SYTL5: variants seen among roughly 807,000 people sequenced by gnomAD.
SYTL5 encodes the protein synaptotagmin-like protein 5.
A neutral mutation model predicts 55.9 loss-of-function variants in SYTL5; 34 were observed. That is an observed-to-expected ratio of 0.61 (90% CI 0.46 to 0.81). The LOEUF (loss-of-function observed/expected upper bound fraction) is 0.81. Ranked by LOEUF, SYTL5 falls within the 30% of genes least tolerant of loss-of-function variation. The probability of loss-of-function intolerance (pLI) is 0.00; values close to 1 mark genes in which losing one functional copy is unlikely to be tolerated. For missense variants in SYTL5, 637 were observed against 546.7 expected, an observed-to-expected ratio of 1.17 and a Z score of -1.65; for synonymous variants, 221 against 188.7, an observed-to-expected ratio of 1.17 and a Z score of -1.40.
intron 1 of SYTL5, among the ~76,000 whole-genome samples, chrX:38,030,612 G>A (rs1008544254): frequency 8.0e-5 from 9 of 112,119 alleles, no homozygotes; most frequent in Non-Finnish European, 1.3e-4. Flanking sequence ...AAGGGAAGCC[G>A]GAAGTTGTTC....
At chrX:38,055,010 C>G (rs1935741535) in intron 3 of SYTL5, among the ~76,000 whole-genome samples, 1 of 111,377 alleles carries the variant, frequency 9.0e-6, no homozygotes, top group Admixed American at 9.5e-5. Context: ...AGCCACTGCA[C>G]CCGGCCACTC....
rs574480794 is a variant in SYTL5, at chrX:38,063,846, C to G, written c.330-8201C>G. ...TTTATAATTTTACCAAAAAATGCTGCCATGACATTCTTATACATATGGCCT... is the reference window on the plus strand; with the variant it reads ...TTTATAATTTTACCAAAAAATGCTGGCATGACATTCTTATACATATGGCCT... On this transcript the variant is annotated intron_variant, in intron 3 of 16. Transcript: ENST00000297875. 1.6e-4 allele frequency among the ~76,000 whole-genome samples: 18 copies of G among 111,627 alleles called. No homozygotes were observed. The South Asian group carries it at 6.7e-3, about 42-fold the overall frequency.
chrX:38,056,126 C>A (rs754035450), intron 3 of SYTL5, among the ~76,000 whole-genome samples: 38 of 111,954 alleles, frequency 3.4e-4, no homozygotes, highest in African/African-American at 1.2e-3. Flanking sequence ...CTACCCTTCC[C>A]AGCCTCTGGT....
the SYTL5 span, among the ~76,000 whole-genome samples, chrX:37,924,394 A>G: frequency 1.8e-5 from 2 of 111,835 alleles, no homozygotes; most frequent in African/African-American, 3.2e-5. Context: ...TAAATGAGAT[A>G]ACATATATAG....
intron 7 of SYTL5, among the ~76,000 whole-genome samples, chrX:38,089,842 C>T (rs901156663): frequency 1.3e-4 from 14 of 111,554 alleles, no homozygotes; most frequent in African/African-American, 4.2e-4. Context: ...ACTAATCATC[C>T]GCCACCAGGT....
the SYTL5 span, chrX:37,994,890 A>C: frequency 9.0e-6 from 1 of 111,294 alleles, no homozygotes; most frequent in Non-Finnish European, 1.9e-5. Flanking sequence ...CAAGCTATTA[A>C]ACTGTGTAAA....
chrX:38,102,903 CT>C, intron 10 of SYTL5: 1 of 488,179 alleles, frequency 2.0e-6, no homozygotes, highest in Non-Finnish European at 3.4e-6. Flanking sequence ...TGTTCAAGGC[CT>C]TTTTTGAGAG....
Position 38,089,511 on chromosome X carries a change from G to A in SYTL5, c.755G>A (p.Arg252Gln), listed in dbSNP as rs773734951. ...GGTCCTAGGACCCCGAAGAGCAGTC[G>A]GAGCAATGGTGTGACCCCAGGCACT... is the stretch of plus-strand genomic sequence containing the variant. ...EPGPRTPKSS[R>Q]SNGVTPGTQS... Residue 252 changes from arginine (R) to glutamine (Q), a missense_variant, in exon 7 of 17, where the codon CGG becomes CAG. Coordinates refer to ENST00000297875, the MANE Select transcript of SYTL5 (RefSeq NM_138780.3). The A allele has an allele frequency of 2.6e-5, 32 of 1,208,583 alleles. No individual in the cohort carries two copies. Among genetic ancestry groups the A allele is most frequent in the Admixed American group, 1.3e-4 (6 of 45,639 alleles).
chrX:37,969,860 CTGACCTCAGGTGATCCACCAGCCT>C, the SYTL5 span, among the ~76,000 whole-genome samples: 12 of 112,007 alleles, frequency 1.1e-4, no homozygotes, highest in African/African-American at 3.9e-4. Flanking sequence ...TCTCAAACTC[CTGACCTCAGGTGATCCACCAGCCT>C]TGGCCTCCCA....
At chrX:38,034,536 C>T (rs909597082) in intron 2 of SYTL5, among the ~76,000 whole-genome samples, 3 of 112,334 alleles carry the variant, frequency 2.7e-5, no homozygotes, top group Non-Finnish European at 5.6e-5. Context: ...AGCACAGCTG[C>T]GAGAAGAAAG....
chrX:37,937,622 G>T, the SYTL5 span, among the ~76,000 whole-genome samples: 1 of 112,131 alleles, frequency 8.9e-6, no homozygotes, highest in African/African-American at 3.2e-5. Context: ...CGTCCACCCA[G>T]AATTATGGCC....
intron 3 of SYTL5, among the ~76,000 whole-genome samples, chrX:38,067,053 C>T (rs1055522637): frequency 8.1e-5 from 9 of 111,666 alleles, no homozygotes; most frequent in East Asian, 5.6e-4. Context: ...CCTGACAAGA[C>T]GTGACACCTG....
the SYTL5 span, among the ~76,000 whole-genome samples, chrX:37,932,913 A>T: frequency 9.0e-6 from 1 of 110,724 alleles, no homozygotes; most frequent in Non-Finnish European, 1.9e-5. Context: ...GTAGCTTGAG[A>T]TTCTCACAGC....
At chrX:37,942,346 A>G in the SYTL5 span, among the ~76,000 whole-genome samples, 1 of 111,990 alleles carries the variant, frequency 8.9e-6, no homozygotes, top group Admixed American at 9.5e-5. Flanking sequence ...TCTCCTGACA[A>G]GTACCTGAAA....
chrX:37,922,379 T>C, the SYTL5 span, among the ~76,000 whole-genome samples: 1 of 112,066 alleles, frequency 8.9e-6, no homozygotes, highest in African/African-American at 3.2e-5. Flanking sequence ...GAAAATCCCA[T>C]ATGGCAAGCA....
chrX:38,101,478 T>A (rs753505989), intron 9 of SYTL5, among the ~76,000 whole-genome samples: 2 of 111,191 alleles, frequency 1.8e-5, no homozygotes, highest in African/African-American at 6.5e-5. Flanking sequence ...TTTATATGAT[T>A]TTTCACATAA....
At chrX:38,024,961 CT>C (rs1569159125) in intron 1 of SYTL5, among the ~76,000 whole-genome samples, 1 of 111,829 alleles carries the variant, frequency 8.9e-6, no homozygotes, top group Non-Finnish European at 1.9e-5. Context: ...CATAGCATCT[CT>C]CTTTGAGTCA....
Position 38,122,192 on chromosome X carries a change from C to A in SYTL5, c.1818C>A (p.Gly606=). The change falls in exon 15 of 17, where the codon GGC becomes GGA. Residue 606 remains glycine (G), a synonymous_variant. Transcript: ENST00000297875. ...AKNLTAVKSG[G]TSDSFVKGYL... ...ATTTGACAGCAGTGAAGTCAGGAGGCACTTCTGATAGCTTTGTGAAGGGGT... is the reference window on the plus strand; with the variant it reads ...ATTTGACAGCAGTGAAGTCAGGAGGAACTTCTGATAGCTTTGTGAAGGGGT... 1.7e-6 allele frequency: 2 copies of A among 1,207,091 alleles called. No homozygotes were observed. Among genetic ancestry groups the A allele is most frequent in the Non-Finnish European group, 2.2e-6 (2 of 892,468 alleles).
the SYTL5 span, among the ~76,000 whole-genome samples, chrX:37,938,387 C>T: frequency 1.8e-5 from 2 of 112,369 alleles, no homozygotes; most frequent in Non-Finnish European, 1.9e-5. Flanking sequence ...TGACATGAAT[C>T]AACTTGTGGC....
Sources: allele counts gnomAD v4.1 joint callset (sites outside exome capture counted in the v4.1 genomes callset), GRCh38; gene constraint gnomAD v4.1.1; transcripts MANE v1.5; gene names NCBI Gene and HGNC (gene_info 2026-07-23, HGNC 2026-07-21).